ALK: variants seen among roughly 807,000 people sequenced by gnomAD.
ALK encodes the protein ALK receptor tyrosine kinase, also known as ALK tyrosine kinase receptor.
ALK carries 74 observed loss-of-function variants against 163.1 expected under a neutral mutation model. That is an observed-to-expected ratio of 0.45 (90% confidence interval 0.38 to 0.55). The LOEUF is 0.55. Among genes scored for constraint, ALK ranks in the 20% least tolerant of loss-of-function variants. ALK has a pLI of 0.00. For missense variants in ALK, 2,063 were observed against 2,105.3 expected, an observed-to-expected ratio of 0.98 and a Z score of 0.39; for synonymous variants, 960 against 843.2, an observed-to-expected ratio of 1.14 and a Z score of -2.40.
At chr2:29,559,984 T>C (rs1673976139) in intron 3 of ALK, among the ~76,000 whole-genome samples, 1 of 152,216 alleles carries the variant, frequency 6.6e-6, no homozygotes. Flanking sequence ...TTTTGAAGCC[T>C]TGGGTTTTTT....
At chr2:29,653,011 G>T (rs749355895) in intron 3 of ALK, among the ~76,000 whole-genome samples, 1 of 152,146 alleles carries the variant, frequency 6.6e-6, no homozygotes, top group Non-Finnish European at 1.5e-5. Flanking sequence ...AGGTTCCTAA[G>T]GCTTGGACTT....
chr2:29,677,551 T>G (rs186791915), intron 3 of ALK, among the ~76,000 whole-genome samples: 1 of 152,166 alleles, frequency 6.6e-6, no homozygotes, highest in South Asian at 2.1e-4. Context: ...AAACGGCTTA[T>G]GTACTTTATC....
chr2:29,449,664 A>T (rs1273589614), intron 4 of ALK, among the ~76,000 whole-genome samples: 1 of 152,154 alleles, frequency 6.6e-6, no homozygotes, highest in Non-Finnish European at 1.5e-5. Context: ...GGGCTTACGG[A>T]TGTTTGTTCT....
chr2:29,214,131 G>T (rs758997194), intron 23 of ALK, 50 bp from the exon 24 acceptor site: 1 of 1,516,174 alleles, frequency 6.6e-7, no homozygotes, highest in Non-Finnish European at 9.1e-7. Flanking sequence ...TCAGTGAGAG[G>T]AGGGAAATCT....
intron 1 of ALK, among the ~76,000 whole-genome samples, chr2:29,818,355 G>A (rs188346756): frequency 1.3e-5 from 2 of 152,018 alleles, no homozygotes; most frequent in Admixed American, 1.3e-4. Flanking sequence ...TTCATTTCCC[G>A]AGCTCTATTA....
intron 5 of ALK, among the ~76,000 whole-genome samples, chr2:29,367,385 A>T (rs1668532862): frequency 6.6e-6 from 1 of 152,210 alleles, no homozygotes; most frequent in South Asian, 2.1e-4. Flanking sequence ...TAGCTGTAGA[A>T]CCATAATGTC....
At chr2:29,707,825 G>A (rs756392430) in intron 2 of ALK, among the ~76,000 whole-genome samples, 16 of 152,122 alleles carry the variant, frequency 1.1e-4, no homozygotes, top group Admixed American at 5.9e-4. Flanking sequence ...CAGATCTGTC[G>A]TCATGTCCTC....
At chr2:29,730,474 G>A (rs1679709986) in intron 1 of ALK, among the ~76,000 whole-genome samples, 1 of 152,114 alleles carries the variant, frequency 6.6e-6, no homozygotes, top group Admixed American at 6.6e-5. Flanking sequence ...AAGTAAACTA[G>A]AGATAGAGGG....
At chr2:29,785,404 C>T (rs953555016) in intron 1 of ALK, among the ~76,000 whole-genome samples, 2 of 152,150 alleles carry the variant, frequency 1.3e-5, no homozygotes, top group Admixed American at 1.3e-4. Flanking sequence ...AATTACCTTT[C>T]AGAAGAAACA....
intron 23 of ALK, among the ~76,000 whole-genome samples, chr2:29,218,923 C>G (rs1000760629): frequency 2.0e-5 from 3 of 152,220 alleles, no homozygotes; most frequent in Non-Finnish European, 4.4e-5. Flanking sequence ...AGTGTTGGCT[C>G]TAAGGACACA....
At chr2:29,337,215 G>A (rs1195206437) in intron 5 of ALK, among the ~76,000 whole-genome samples, 1 of 152,234 alleles carries the variant, frequency 6.6e-6, no homozygotes, top group African/African-American at 2.4e-5. Context: ...GGCCTCCTCA[G>A]TTGTAGTGTG....
chr2:29,847,201 AG>A (rs1221844337), intron 1 of ALK, among the ~76,000 whole-genome samples: 1 of 152,162 alleles, frequency 6.6e-6, no homozygotes, highest in Non-Finnish European at 1.5e-5. Context: ...ATGAATAGGC[AG>A]CCCCTTCTTC....
At chr2:29,529,902 G>A (rs1369730710) in intron 4 of ALK, among the ~76,000 whole-genome samples, 2 of 152,160 alleles carry the variant, frequency 1.3e-5, no homozygotes, top group Admixed American at 6.5e-5. Context: ...CTCTGGTGAT[G>A]GAGGCATTGC....
intron 5 of ALK, among the ~76,000 whole-genome samples, chr2:29,362,078 G>A (rs911392541): frequency 6.6e-6 from 1 of 152,098 alleles, no homozygotes; most frequent in Non-Finnish European, 1.5e-5. Context: ...AGGAGAAACA[G>A]AGAAAGGAAG....
rs186463150 is a variant in ALK at position 29,888,545 on chromosome 2, G to A, written c.667+31448C>T. On this transcript the variant is annotated intron_variant, in intron 1 of 28. Coordinates refer to ENST00000389048, the MANE Select transcript of ALK (RefSeq NM_004304.5). ...ACTGGGGTGGGCTGTTCCAGCTACCGAACCAGCTTCCGAACTCAGAGGCAC... is the reference window on the plus strand; with the variant it reads ...ACTGGGGTGGGCTGTTCCAGCTACCAAACCAGCTTCCGAACTCAGAGGCAC... 1.5e-3 allele frequency among the ~76,000 whole-genome samples: 233 copies of A among 152,176 alleles called. 1 individual carries two copies. Among genetic ancestry groups the A allele is most frequent in the African/African-American group, 4.9e-3 (205 of 41,532 alleles).
In ALK at chr2:29,888,246, G is replaced by GTTTTGT. The variant is rs1667034884; in HGVS notation, c.667+31746_667+31747insACAAAA. On this transcript the variant is annotated intron_variant, in intron 1 of 28. Coordinates refer to ENST00000389048, the MANE Select transcript of ALK (RefSeq NM_004304.5). The stretch of plus-strand genomic sequence containing the variant: ...CATTGAGCACATGGTCCAATAAATT[G>GTTTTGT]TTTTTTTTTTTTTTTAAAAAAAGGG... Among the ~76,000 whole-genome samples the GTTTTGT allele has an allele frequency of 6.6e-4, 21 of 31,592 alleles. 1 individual carries two copies. The highest frequency in any genetic ancestry group is 5.2e-3 in the Admixed American group (20 of 3,876). 20.7% of individuals were successfully genotyped at this position (31,592 alleles called of 152,430 possible). A position where few individuals can be genotyped will look rare whatever the true frequency, so the allele number is the denominator to read the frequency against.
intron 4 of ALK, among the ~76,000 whole-genome samples, chr2:29,387,336 T>A (rs538205363): frequency 6.6e-6 from 1 of 152,212 alleles, no homozygotes; most frequent in Non-Finnish European, 1.5e-5. Context: ...CAACTTTGCA[T>A]GAATTTTTTG....
intron 1 of ALK, among the ~76,000 whole-genome samples, chr2:29,800,045 A>G (rs796812304): frequency 7.2e-5 from 11 of 152,350 alleles, no homozygotes; most frequent in African/African-American, 2.6e-4. Context: ...AGTAACAACC[A>G]TAATTCAGTG....
chr2:29,834,257 G>C (rs1327291631), intron 1 of ALK, among the ~76,000 whole-genome samples: 1 of 152,084 alleles, frequency 6.6e-6, no homozygotes, highest in Admixed American at 6.5e-5. Flanking sequence ...TAATCACACA[G>C]TATGTTTATT....
Sources: gnomAD v4.1 joint callset for allele counts (sites outside exome capture counted in the v4.1 genomes callset) on GRCh38, gnomAD v4.1.1 for gene constraint, MANE v1.5 for transcripts, NCBI Gene and HGNC (gene_info 2026-07-23, HGNC 2026-07-21) for gene names.